PALLD: variants seen among roughly 807,000 people sequenced by gnomAD.
The protein encoded by PALLD is palladin, cytoskeletal associated protein.
Under a neutral mutation model 123.5 loss-of-function variants are expected in PALLD, and 61 were observed. The ratio of observed to expected loss-of-function variants is 0.49; its 90% confidence interval spans 0.40 to 0.61. The LOEUF is 0.61. Among genes scored for constraint, PALLD ranks in the 20% least tolerant of loss-of-function variants. The pLI, the probability that PALLD is intolerant of heterozygous loss-of-function variation, is 0.00. For synonymous variants in PALLD, 465 were observed against 496.4 expected (o/e 0.94, Z 0.84); for missense variants, 1,273 against 1,377.0 (o/e 0.92, Z 1.20).
intron 10 of PALLD, among the ~76,000 whole-genome samples, chr4:168,742,324 C>G (rs1023043348): frequency 6.6e-6 from 1 of 152,148 alleles, no homozygotes; most frequent in Non-Finnish European, 1.5e-5. Flanking sequence ...TTGCTTATCC[C>G]TCAAAGGGGA....
At chr4:168,894,494 T>C in intron 11 of PALLD, 85 bp from the exon 12 acceptor site, 1 of 799,110 alleles carries the variant, frequency 1.3e-6, no homozygotes, top group Middle Eastern at 2.4e-4. Flanking sequence ...CATGAAAGTG[T>C]GTTGTTTTTT....
At chr4:168,744,547 A>G (rs1268474225) in intron 10 of PALLD, among the ~76,000 whole-genome samples, 4 of 152,204 alleles carry the variant, frequency 2.6e-5, no homozygotes, top group African/African-American at 9.6e-5. Flanking sequence ...TTTAAAGCCA[A>G]AGGGAACCTC....
intron 2 of PALLD, among the ~76,000 whole-genome samples, chr4:168,569,597 T>C (rs543865742): frequency 7.2e-5 from 11 of 152,264 alleles, no homozygotes; most frequent in African/African-American, 2.6e-4. Flanking sequence ...TATGAATCAG[T>C]AACGGTGATG....
chr4:168,739,254 C>G (rs1039086040), intron 10 of PALLD, among the ~76,000 whole-genome samples: 2 of 152,194 alleles, frequency 1.3e-5, no homozygotes, highest in African/African-American at 4.8e-5. Flanking sequence ...CTTTGATATA[C>G]TGATTCATTT....
chr4:168,925,679 A>C (rs559773087), intron 21 of PALLD, among the ~76,000 whole-genome samples: 1 of 152,142 alleles, frequency 6.6e-6, no homozygotes, highest in Admixed American at 6.5e-5. Flanking sequence ...TTATCCATTG[A>C]CATAAAAAAA....
Position 168,639,728 on chromosome 4 carries a change from T to C in PALLD, c.909-28462T>C, listed in dbSNP as rs952773131. On this transcript the variant is annotated intron_variant, in intron 2 of 21. Coordinates refer to ENST00000505667, the MANE Select transcript of PALLD (RefSeq NM_001166108.2). ...CCAGCTAATTTTTTGTATTTTTTAG[T>C]AGAGACGGGGTTTCACCGTGTTAGC... Among the ~76,000 whole-genome samples, 8 of 152,072 alleles carry C rather than the reference T, an allele frequency of 5.3e-5. No homozygotes were observed. The East Asian group carries it at 1.6e-3, about 30-fold the overall frequency.
rs34942776 is a variant in PALLD, at chr4:168,713,942, G to GTT, written c.1964+2044_1964+2045dup. On this transcript the variant is annotated intron_variant, in intron 10 of 21. Coordinates refer to ENST00000505667, the MANE Select transcript of PALLD (RefSeq NM_001166108.2). ...TTTACTTGTACTAGGTTTTCCCATT[G>GTT]TTTTTTTTTTTTTTTTTTTTTTTTT... Among the ~76,000 whole-genome samples the GTT allele has an allele frequency of 6.0e-4, 33 of 54,700 alleles. 1 individual carries two copies. The highest frequency in any genetic ancestry group is 5.7e-3 in the East Asian group (9 of 1,572). 35.9% of individuals were successfully genotyped at this position (54,700 alleles called of 152,430 possible).
intron 2 of PALLD, among the ~76,000 whole-genome samples, chr4:168,518,754 A>G (rs1345501406): frequency 6.6e-6 from 1 of 152,212 alleles, no homozygotes; most frequent in Non-Finnish European, 1.5e-5. Context: ...TACACTGCAC[A>G]TTTTATCTGT....
chr4:168,765,127 C>T (rs1733489843), intron 10 of PALLD, among the ~76,000 whole-genome samples: 1 of 152,110 alleles, frequency 6.6e-6, no homozygotes, highest in Non-Finnish European at 1.5e-5. Flanking sequence ...TTAGCTTTAA[C>T]CTGGGCAAGT....
At chr4:168,878,495 A>T in intron 10 of PALLD, 1 of 819,860 alleles carries the variant, frequency 1.2e-6, no homozygotes, top group Non-Finnish European at 1.8e-6. Flanking sequence ...CCTGCAACCC[A>T]GAGCGCCCCA....
chr4:168,706,787 G>A (rs1056592579), intron 8 of PALLD, among the ~76,000 whole-genome samples: 2 of 152,048 alleles, frequency 1.3e-5, no homozygotes, highest in African/African-American at 2.4e-5. Flanking sequence ...CCAATAACAC[G>A]ACATCAAAAA....
intron 10 of PALLD, among the ~76,000 whole-genome samples, chr4:168,767,056 A>C: frequency 6.6e-6 from 1 of 152,208 alleles, no homozygotes; most frequent in African/African-American, 2.4e-5. Flanking sequence ...TCTTCCAGAC[A>C]GACTCAACTC....
intron 2 of PALLD, among the ~76,000 whole-genome samples, chr4:168,557,829 G>A (rs1767477846): frequency 6.6e-6 from 1 of 152,160 alleles, no homozygotes; most frequent in African/African-American, 2.4e-5. Context: ...TGAGTCAGCT[G>A]TGAGCAGGGG....
intron 8 of PALLD, among the ~76,000 whole-genome samples, chr4:168,706,351 C>CT (rs1343490669): frequency 6.6e-6 from 1 of 152,076 alleles, no homozygotes; most frequent in African/African-American, 2.4e-5. Flanking sequence ...AAAGAATAAA[C>CT]TAAGTTTTTC....
At chr4:168,638,432 C>T (rs145073229) in intron 2 of PALLD, among the ~76,000 whole-genome samples, 2 of 152,162 alleles carry the variant, frequency 1.3e-5, no homozygotes, top group Non-Finnish European at 2.9e-5. Context: ...GGCAGGCCTT[C>T]CAGGGGGTCT....
At chr4:168,730,380 A>T (rs1343791345) in intron 10 of PALLD, among the ~76,000 whole-genome samples, 1 of 151,992 alleles carries the variant, frequency 6.6e-6, no homozygotes, top group African/African-American at 2.4e-5. Context: ...GCCTCATATT[A>T]ATCATTGGAT....
chr4:168,723,688 T>C (rs1253779853), intron 10 of PALLD, among the ~76,000 whole-genome samples: 1 of 152,238 alleles, frequency 6.6e-6, no homozygotes. Flanking sequence ...TACCATCTGA[T>C]GCTGAGAAGC....
chr4:168,758,507 T>C (rs540124987), intron 10 of PALLD, among the ~76,000 whole-genome samples: 2 of 152,286 alleles, frequency 1.3e-5, no homozygotes, highest in African/African-American at 4.8e-5. Context: ...GGCACATCCA[T>C]GCATCTCAGG....
intron 2 of PALLD, among the ~76,000 whole-genome samples, chr4:168,615,146 G>T (rs1370221114): frequency 4.3e-5 from 6 of 139,934 alleles, no homozygotes; most frequent in Non-Finnish European, 7.6e-5. Flanking sequence ...CTCGTTCCTG[G>T]GAAAGATGGT....
Sources: gnomAD v4.1 joint callset for allele counts (sites outside exome capture counted in the v4.1 genomes callset) on GRCh38, gnomAD v4.1.1 for gene constraint, MANE v1.5 for transcripts, NCBI Gene and HGNC (gene_info 2026-07-23, HGNC 2026-07-21) for gene names.